Variants in SORCS3 observed in about 807,000 individuals in gnomAD.
SORCS3 encodes the protein sortilin related VPS10 domain containing receptor 3, also known as VPS10 domain-containing receptor SorCS3.
Under a neutral mutation model 146.3 loss-of-function variants are expected in SORCS3, and 57 were observed. That is an observed-to-expected ratio of 0.39 (90% CI 0.31 to 0.49). The LOEUF (loss-of-function observed/expected upper bound fraction) is 0.49, where lower values mean the gene tolerates loss of function less well. SORCS3 is among the 20% of genes least tolerant of loss of function. The pLI is 0.92. For missense variants in SORCS3, 1,341 were observed against 1,575.5 expected (o/e 0.85, Z 2.52); for synonymous variants, 653 against 618.5 (o/e 1.06, Z -0.83).
chr10:105,191,091 G>A (rs2056514384), intron 14 of SORCS3, among the ~76,000 whole-genome samples: 1 of 152,170 alleles, frequency 6.6e-6, no homozygotes, highest in Non-Finnish European at 1.5e-5. Flanking sequence ...CAGCCACTCA[G>A]ACAATAAATA....
chr10:104,750,310 A>C (rs575523134), intron 1 of SORCS3, among the ~76,000 whole-genome samples: 40 of 152,346 alleles, frequency 2.6e-4, no homozygotes, highest in Non-Finnish European at 5.0e-4. Flanking sequence ...AAAAATAAGC[A>C]GAATGGACCT....
At chr10:104,699,457 G>C (rs1427662985) in intron 1 of SORCS3, among the ~76,000 whole-genome samples, 1 of 152,134 alleles carries the variant, frequency 6.6e-6, no homozygotes, top group Non-Finnish European at 1.5e-5. Flanking sequence ...AAGATATCTA[G>C]GATGGTTTCA....
intron 1 of SORCS3, among the ~76,000 whole-genome samples, chr10:104,735,465 T>TTTTTTTTTTTTTTTTG (rs2016759112): frequency 7.3e-6 from 1 of 137,334 alleles, no homozygotes; most frequent in South Asian, 2.6e-4. Context: ...TGTTTTTTTT[T>TTTTTTTTTTTTTTTTG]TTTTTTTTTT....
chr10:104,950,901 G>A (rs1296989844), intron 3 of SORCS3, among the ~76,000 whole-genome samples: 2 of 152,148 alleles, frequency 1.3e-5, no homozygotes, highest in Non-Finnish European at 2.9e-5. Context: ...CTAAGAGGCT[G>A]GCCTCTAAAT....
chr10:104,911,772 T>A (rs1275131530), intron 2 of SORCS3, among the ~76,000 whole-genome samples: 1 of 152,228 alleles, frequency 6.6e-6, no homozygotes, highest in Non-Finnish European at 1.5e-5. Context: ...GCTCTTTTTT[T>A]AACTAGGCTC....
At chr10:105,031,354 C>T (rs2055266435) in intron 4 of SORCS3, among the ~76,000 whole-genome samples, 1 of 145,386 alleles carries the variant, frequency 6.9e-6, no homozygotes. Flanking sequence ...CACACACACA[C>T]ACACACACAA....
At chr10:104,701,917 G>A (rs111915622) in intron 1 of SORCS3, among the ~76,000 whole-genome samples, 186 of 152,176 alleles carry the variant, frequency 1.2e-3, no homozygotes, top group African/African-American at 4.2e-3. Flanking sequence ...TTGTTATTAT[G>A]TGAGTTTGTG....
rs372850065 is a variant in SORCS3 at position 105,178,132 on chromosome 10, C to T, written c.1968C>T (p.Asp656=). 4.6e-5 allele frequency: 74 copies of T among 1,613,334 alleles called. No individual in the cohort carries two copies. Among genetic ancestry groups the T allele is most frequent in the Middle Eastern group, 3.3e-4 (2 of 6,078 alleles). The part of the protein sequence containing the change: ...YGFTSVPLFV[D]GALVEAGMET... ...TCACTTCGGTTCCTCTCTTTGTTGA[C>T]GGGGCTCTGGTGGAGGCAGGAATGG... Residue 656 remains aspartate (D), a synonymous_variant, in exon 14 of 27, where the codon GAC becomes GAT. Transcript: ENST00000369701.
At chr10:105,035,501 T>C (rs186954940) in intron 4 of SORCS3, among the ~76,000 whole-genome samples, 1 of 151,422 alleles carries the variant, frequency 6.6e-6, no homozygotes, top group East Asian at 2.0e-4. Context: ...GGAGTCTGGC[T>C]CTGTTGCCCA....
At chr10:105,044,371 G>A (rs1277055754) in intron 5 of SORCS3, among the ~76,000 whole-genome samples, 3 of 151,958 alleles carry the variant, frequency 2.0e-5, no homozygotes, top group East Asian at 1.9e-4. Flanking sequence ...TTAGGCCACC[G>A]TACTCTAGCT....
At chr10:105,249,403 G>A (rs779766100) in intron 22 of SORCS3, among the ~76,000 whole-genome samples, 1 of 152,186 alleles carries the variant, frequency 6.6e-6, no homozygotes, top group Non-Finnish European at 1.5e-5. Context: ...GGGGGACAAG[G>A]CAGACACACT....
Position 105,136,445 on chromosome 10 carries a change from C to T in SORCS3, c.1213-2952C>T, listed in dbSNP as rs78865551. On this transcript the variant is annotated intron_variant, in intron 7 of 26. Coordinates refer to ENST00000369701, the MANE Select transcript of SORCS3 (RefSeq NM_014978.3). ...TGTTGCATTGAGGAGTAATTTTCAA[C>T]GTTCATTTTGGAAGGGACACAAACA... Among the ~76,000 whole-genome samples, 19 of 152,290 alleles carry T rather than the reference C, an allele frequency of 1.2e-4. No homozygotes were observed. The East Asian group carries it at 3.3e-3, about 26-fold the overall frequency.
chr10:104,847,006 C>T (rs2018213777), intron 2 of SORCS3, among the ~76,000 whole-genome samples: 1 of 152,202 alleles, frequency 6.6e-6, no homozygotes, highest in African/African-American at 2.4e-5. Flanking sequence ...ATTTATGTCT[C>T]TTCCATTCCT....
chr10:105,213,279 G>A (rs866425374), intron 17 of SORCS3, among the ~76,000 whole-genome samples: 1 of 152,164 alleles, frequency 6.6e-6, no homozygotes, highest in Non-Finnish European at 1.5e-5. Context: ...GTTCAGCAGT[G>A]GGGTGGCAGG....
At chr10:105,151,243 G>A (rs939749721) in intron 9 of SORCS3, among the ~76,000 whole-genome samples, 1 of 152,156 alleles carries the variant, frequency 6.6e-6, no homozygotes, top group Non-Finnish European at 1.5e-5. Context: ...AACCAGAGTC[G>A]AATGAGTAGG....
At chr10:104,858,186 A>G (rs2018355853) in intron 2 of SORCS3, among the ~76,000 whole-genome samples, 3 of 152,216 alleles carry the variant, frequency 2.0e-5, no homozygotes, top group African/African-American at 7.2e-5. Context: ...TGAAAAACAA[A>G]GAGTACTGTT....
chr10:104,698,796 G>A (rs1192697794), intron 1 of SORCS3, among the ~76,000 whole-genome samples: 1 of 152,124 alleles, frequency 6.6e-6, no homozygotes, highest in Non-Finnish European at 1.5e-5. Flanking sequence ...AGGGAAGTGT[G>A]TAATCAGTTG....
At chr10:104,706,201 CTTTTTTTTTTTT>C (rs1162969172) in intron 1 of SORCS3, among the ~76,000 whole-genome samples, 92 of 85,876 alleles carry the variant, frequency 1.1e-3, no homozygotes, top group African/African-American at 3.7e-3. Flanking sequence ...TTTTCTTCTT[CTTTTTTTTTTTT>C]TTTTTTTTTT....
intron 3 of SORCS3, among the ~76,000 whole-genome samples, chr10:104,971,642 TAGG>T (rs2054861199): frequency 6.6e-6 from 1 of 152,112 alleles, no homozygotes; most frequent in Admixed American, 6.6e-5. Flanking sequence ...CTCAGAGATT[TAGG>T]AGTTTTCCCA....
Sources: gnomAD v4.1 joint callset for allele counts (sites outside exome capture counted in the v4.1 genomes callset) on GRCh38, gnomAD v4.1.1 for gene constraint, MANE v1.5 for transcripts, NCBI Gene and HGNC (gene_info 2026-07-23, HGNC 2026-07-21) for gene names.